Variants in PRPF39 observed in about 807,000 individuals in gnomAD.
PRPF39 encodes pre-mRNA-processing factor 39.
PRPF39 carries 27 observed loss-of-function variants against 82.1 expected under a neutral mutation model. That is an observed-to-expected ratio of 0.33 (90% CI 0.24 to 0.45). The LOEUF (loss-of-function observed/expected upper bound fraction) is 0.45. PRPF39 is among the 20% of genes least tolerant of loss of function. The probability of loss-of-function intolerance (pLI) is 1.00; values close to 1 mark genes in which losing one functional copy is unlikely to be tolerated. For synonymous variants in PRPF39, 261 were observed against 256.4 expected (o/e 1.02, Z -0.17); for missense variants, 581 against 796.9 (o/e 0.73, Z 3.26).
intron 1 of PRPF39, among the ~76,000 whole-genome samples, chr14:45,093,753 C>T (rs1040326417): frequency 2.1e-4 from 32 of 149,066 alleles, no homozygotes; most frequent in African/African-American, 7.6e-4. Context: ...CAGGGTTTCT[C>T]CTTGTTGGTG....
rs759280068 is a variant in PRPF39 at position 45,095,416 on chromosome 14, A to C, written c.177A>C (p.Glu59Asp). ...PNVNASTEETEMASAVDLPVT... is the reference protein window; with the variant it reads ...PNVNASTEETDMASAVDLPVT... ...TGAATGCATCTACAGAAGAAACTGAAATGGCAAGTGCTGTGGACCTTCCAG... is the reference window on the plus strand; with the variant it reads ...TGAATGCATCTACAGAAGAAACTGACATGGCAAGTGCTGTGGACCTTCCAG... The change falls in exon 2 of 14, where the codon GAA becomes GAC. Residue 59 changes from glutamate to aspartate, a missense_variant. Physicochemically the swap from Glu to Asp is conservative, Grantham distance 45. Coordinates refer to ENST00000355765, the MANE Select transcript of PRPF39 (RefSeq NM_017922.4). The C allele has an allele frequency of 1.2e-6, 2 of 1,613,906 alleles. No individual in the cohort carries two copies. The highest frequency in any genetic ancestry group is 2.7e-5 in the African/African-American group (2 of 74,934).
intron 5 of PRPF39, among the ~76,000 whole-genome samples, chr14:45,104,368 G>T (rs1277378786): frequency 6.6e-6 from 1 of 151,426 alleles, no homozygotes; most frequent in South Asian, 2.1e-4. Context: ...TCTTTATGCA[G>T]TTCTTATAGT....
At chr14:45,092,143 T>C (rs552380212) in intron 1 of PRPF39, among the ~76,000 whole-genome samples, 1 of 152,356 alleles carries the variant, frequency 6.6e-6, no homozygotes, top group East Asian at 1.9e-4. Context: ...GCTCTGCAGC[T>C]GATGTTCTTT....
intron 4 of PRPF39, among the ~76,000 whole-genome samples, chr14:45,100,473 TC>T (rs760716220): frequency 6.6e-6 from 1 of 152,208 alleles, no homozygotes; most frequent in Admixed American, 6.5e-5. Flanking sequence ...GCTTCTGAAA[TC>T]CCCATAGCTG....
intron 1 of PRPF39, among the ~76,000 whole-genome samples, chr14:45,084,471 T>G (rs1217699648): frequency 6.6e-6 from 1 of 152,148 alleles, no homozygotes; most frequent in Non-Finnish European, 1.5e-5. Flanking sequence ...AACGTTTCAC[T>G]TGAGGGGTGC....
chr14:45,097,913 C>G (rs1011293201), intron 4 of PRPF39, among the ~76,000 whole-genome samples: 8 of 149,526 alleles, frequency 5.4e-5, no homozygotes, highest in African/African-American at 1.9e-4. Context: ...TATTTTAGCT[C>G]TTTCTTCTGG....
intron 10 of PRPF39, among the ~76,000 whole-genome samples, chr14:45,111,488 C>T (rs1884693667): frequency 6.6e-6 from 1 of 152,070 alleles, no homozygotes; most frequent in African/African-American, 2.4e-5. Context: ...GCATGCATCA[C>T]CGCGTCCGGC....
chr14:45,101,802 A>G (rs1884383278), intron 4 of PRPF39, among the ~76,000 whole-genome samples: 1 of 150,582 alleles, frequency 6.6e-6, no homozygotes, highest in African/African-American at 2.4e-5. Flanking sequence ...TTTAAAGTAT[A>G]TGTATACTTT....
chr14:45,112,859 G>T (rs1426285606), intron 11 of PRPF39, among the ~76,000 whole-genome samples: 2 of 152,184 alleles, frequency 1.3e-5, no homozygotes, highest in Non-Finnish European at 2.9e-5. Context: ...AGATGGATGG[G>T]ATTAATCTCC....
At chr14:45,097,171 TA>T (rs1884224157) in intron 4 of PRPF39, among the ~76,000 whole-genome samples, 166 bp downstream of exon 4, 6 of 152,166 alleles carry the variant, frequency 3.9e-5, no homozygotes. Context: ...ATGCAGATAA[TA>T]AAGCCCTCCT....
At chr14:45,089,778 T>C (rs1200383997) in intron 1 of PRPF39, among the ~76,000 whole-genome samples, 1 of 152,226 alleles carries the variant, frequency 6.6e-6, no homozygotes, top group Non-Finnish European at 1.5e-5. Context: ...AAATTATTGG[T>C]TGTTGTTAAG....
intron 4 of PRPF39, among the ~76,000 whole-genome samples, chr14:45,098,446 CAAAAA>C (rs545851843): frequency 2.4e-5 from 2 of 84,412 alleles, no homozygotes; most frequent in Admixed American, 1.2e-4. Flanking sequence ...GACCCTGTCT[CAAAAA>C]AAAAAAAAAA....
rs1239227410 is a variant in PRPF39, at chr14:45,107,548, A to G, written c.835A>G (p.Ser279Gly). Residue 279 changes from serine to glycine, a missense_variant, in exon 6 of 14, where the codon AGT becomes GGT. Physicochemically the swap from Ser to Gly is moderately conservative, Grantham distance 56. Coordinates refer to ENST00000355765, the MANE Select transcript of PRPF39 (RefSeq NM_017922.4). ...GGAATTAGCTTCTGTAAATGGTCATAGTGGTGATGATGGTCCTCCTGGTGA... is the reference window on the plus strand; with the variant it reads ...GGAATTAGCTTCTGTAAATGGTCATGGTGGTGATGATGGTCCTCCTGGTGA... The part of the protein sequence containing the change: ...RRELASVNGH[S>G]GDDGPPGDDL... 2.7e-5 allele frequency: 42 copies of G among 1,555,088 alleles called. No individual in the cohort carries two copies. Among genetic ancestry groups the G allele is most frequent in the Non-Finnish European group, 3.4e-5 (39 of 1,148,206 alleles).
At position 45,107,572 on chromosome 14, in the gene PRPF39, G is replaced by C. The variant is rs2139061025; in HGVS notation, c.859G>C (p.Asp287His). ...GHSGDDGPPG[D>H]DLPSGIEDIT... ...TAGTGGTGATGATGGTCCTCCTGGTGATGATCTACCATCGGGAATTGAAGA... is the reference window on the plus strand; with the variant it reads ...TAGTGGTGATGATGGTCCTCCTGGTCATGATCTACCATCGGGAATTGAAGA... The change falls in exon 6 of 14, where the codon GAT becomes CAT. Residue 287 changes from aspartate to histidine, a missense_variant. Coordinates refer to ENST00000355765, the MANE Select transcript of PRPF39 (RefSeq NM_017922.4). 1 of 1,552,910 alleles carries C rather than the reference G, an allele frequency of 6.4e-7. No individual in the cohort carries two copies. Among genetic ancestry groups the C allele is most frequent in the East Asian group, 2.4e-5 (1 of 41,086 alleles).
In PRPF39 at chr14:45,110,971, TA is replaced by T; in HGVS notation, c.1572+159del. The T allele has an allele frequency of 1.3e-6, 1 of 764,150 alleles. No individual in the cohort carries two copies. The highest frequency in any genetic ancestry group is 2.0e-6 in the Non-Finnish European group (1 of 497,312). 47.3% of individuals were successfully genotyped at this position (764,150 alleles called of 1,614,324 possible). A position where few individuals can be genotyped will look rare whatever the true frequency, so the allele number is the denominator to read the frequency against. On this transcript the variant is annotated intron_variant, in intron 10 of 13. Coordinates refer to ENST00000355765, the MANE Select transcript of PRPF39 (RefSeq NM_017922.4). This position sits in a 1 kb window ranked among gnomAD's most constrained non-coding sequence, Gnocchi z 4.0. The stretch of plus-strand genomic sequence containing the variant: ...GTCCCTCTAAACTGATGTTGCCATT[TA>T]AAAATTTTTTTCAAATTGTTTTGAA...
intron 1 of PRPF39, among the ~76,000 whole-genome samples, chr14:45,093,585 C>G (rs540737456): frequency 5.4e-5 from 7 of 130,766 alleles, no homozygotes; most frequent in African/African-American, 1.7e-4. Flanking sequence ...GACGGAGTTT[C>G]ACTCTTGTTG....
At chr14:45,112,632 CA>C in intron 11 of PRPF39, 130 bp downstream of exon 11, 1 of 928,708 alleles carries the variant, frequency 1.1e-6, no homozygotes, top group Middle Eastern at 3.7e-4. Context: ...ACTTTTTCCT[CA>C]GATATATATG....
At chr14:45,104,774 G>C (rs1232539027) in intron 5 of PRPF39, among the ~76,000 whole-genome samples, 1 of 152,134 alleles carries the variant, frequency 6.6e-6, no homozygotes, top group Non-Finnish European at 1.5e-5. Flanking sequence ...TCCAATCCCT[G>C]GTGGTTCCTG....
intron 8 of PRPF39, 38 bp downstream of exon 8, chr14:45,109,818 T>C (rs1178744698): frequency 6.5e-7 from 1 of 1,548,920 alleles, no homozygotes; most frequent in East Asian, 2.3e-5. Context: ...GAATATATTA[T>C]AAACATTGAT....
Sources: gnomAD v4.1 joint callset for allele counts (sites outside exome capture counted in the v4.1 genomes callset) on GRCh38, gnomAD v4.1.1 for gene constraint, Gnocchi (gnomAD v3.1) non-coding constraint, MANE v1.5 for transcripts, NCBI Gene and HGNC (gene_info 2026-07-23, HGNC 2026-07-21) for gene names.